The following SLC24A2 variants were observed in gnomAD, a reference collection of about 807,000 sequenced individuals.
The protein encoded by SLC24A2 is solute carrier family 24 member 2.
Under a neutral mutation model 62.0 loss-of-function variants are expected in SLC24A2, and 36 were observed. That is an observed-to-expected ratio of 0.58 (90% CI 0.44 to 0.77). The LOEUF is 0.77. Ranked by LOEUF, SLC24A2 falls within the 30% of genes least tolerant of loss-of-function variation. SLC24A2 has a pLI of 0.00. For synonymous variants in SLC24A2, 358 were observed against 294.0 expected (o/e 1.22, Z -2.23); for missense variants, 846 against 817.9 (o/e 1.03, Z -0.42).
chr9:19,649,130 A>C (rs1818729244), intron 2 of SLC24A2, among the ~76,000 whole-genome samples: 1 of 152,140 alleles, frequency 6.6e-6, no homozygotes, highest in Non-Finnish European at 1.5e-5. Flanking sequence ...CTAAAAACAA[A>C]TCAGTGTCAG....
chr9:19,654,369 A>C (rs1818884102), intron 2 of SLC24A2, among the ~76,000 whole-genome samples: 1 of 152,152 alleles, frequency 6.6e-6, no homozygotes, highest in Non-Finnish European at 1.5e-5. Context: ...CAGGAAGCTA[A>C]GGGTTCCTAA....
At chr9:19,873,139 T>C in the SLC24A2 span, among the ~76,000 whole-genome samples, 1 of 152,152 alleles carries the variant, frequency 6.6e-6, no homozygotes, top group African/African-American at 2.4e-5. Flanking sequence ...AAATCAGGTT[T>C]AAATTTCTGC....
chr9:19,605,802 C>A (rs1380377493), intron 4 of SLC24A2, among the ~76,000 whole-genome samples: 1 of 152,222 alleles, frequency 6.6e-6, no homozygotes, highest in Admixed American at 6.5e-5. Context: ...CAGCCCACGA[C>A]AGATACCATT....
the SLC24A2 span, among the ~76,000 whole-genome samples, chr9:20,246,038 A>G: frequency 6.6e-6 from 1 of 152,230 alleles, no homozygotes; most frequent in Admixed American, 6.5e-5. Flanking sequence ...GTTCACAGAG[A>G]AGGAAACATG....
At chr9:19,992,937 C>A in the SLC24A2 span, among the ~76,000 whole-genome samples, 1 of 152,144 alleles carries the variant, frequency 6.6e-6, no homozygotes, top group Non-Finnish European at 1.5e-5. Context: ...AAAGTCCTAC[C>A]AAAACATCTA....
chr9:20,248,404 A>T, the SLC24A2 span, among the ~76,000 whole-genome samples: 1 of 152,212 alleles, frequency 6.6e-6, no homozygotes, highest in Non-Finnish European at 1.5e-5. Context: ...AATTTCTCAC[A>T]GTTCTGGAGG....
intron 2 of SLC24A2, among the ~76,000 whole-genome samples, chr9:19,745,331 G>A (rs2118785033): frequency 6.6e-6 from 1 of 152,222 alleles, no homozygotes; most frequent in East Asian, 1.9e-4. Context: ...ATTCCTTCAT[G>A]CAATGCAAAT....
chr9:20,008,219 C>T, the SLC24A2 span, among the ~76,000 whole-genome samples: 1 of 151,908 alleles, frequency 6.6e-6, no homozygotes, highest in South Asian at 2.1e-4. Flanking sequence ...TTAAGCCTGA[C>T]TCTGGGCTAT....
At chr9:20,187,037 ATT>A in the SLC24A2 span, among the ~76,000 whole-genome samples, 1 of 152,122 alleles carries the variant, frequency 6.6e-6, no homozygotes, top group African/African-American at 2.4e-5. Flanking sequence ...TAGAAAAGGC[ATT>A]TTGAGGGAAA....
chr9:19,545,830 G>T (rs1055974951), intron 8 of SLC24A2, among the ~76,000 whole-genome samples: 2 of 152,010 alleles, frequency 1.3e-5, no homozygotes, highest in Non-Finnish European at 2.9e-5. Flanking sequence ...ACTAGAGACG[G>T]GTTTCACTGT....
At chr9:20,040,776 G>A in the SLC24A2 span, among the ~76,000 whole-genome samples, 1 of 151,972 alleles carries the variant, frequency 6.6e-6, no homozygotes, top group South Asian at 2.1e-4. Flanking sequence ...CCCAGGGAAG[G>A]GAAAGGACAG....
the SLC24A2 span, among the ~76,000 whole-genome samples, chr9:20,177,580 T>C: frequency 2.0e-5 from 3 of 152,114 alleles, no homozygotes; most frequent in Non-Finnish European, 1.5e-5. Flanking sequence ...TTGGAACATA[T>C]AGAGTCAGAT....
the SLC24A2 span, among the ~76,000 whole-genome samples, chr9:20,057,792 T>C: frequency 6.6e-5 from 10 of 152,314 alleles, no homozygotes; most frequent in East Asian, 1.9e-3. Flanking sequence ...TAAAACTGTG[T>C]GAGGTAGATA....
intron 2 of SLC24A2, among the ~76,000 whole-genome samples, chr9:19,683,181 A>G (rs1819772768): frequency 6.6e-6 from 1 of 152,066 alleles, no homozygotes; most frequent in Admixed American, 6.6e-5. Flanking sequence ...TGTATGCTAG[A>G]CGCTGTAAGT....
the SLC24A2 span, among the ~76,000 whole-genome samples, chr9:19,843,485 C>T: frequency 6.6e-6 from 1 of 152,182 alleles, no homozygotes; most frequent in African/African-American, 2.4e-5. Flanking sequence ...GTGCTGCAGC[C>T]TGGGCAACAA....
chr9:19,579,157 GAAGAAA>G (rs1189291991), intron 5 of SLC24A2, among the ~76,000 whole-genome samples: 1 of 152,082 alleles, frequency 6.6e-6, no homozygotes, highest in Non-Finnish European at 1.5e-5. Context: ...GAAACTCTGG[GAAGAAA>G]AAGGGAAAAG....
chr9:20,003,460 T>G, the SLC24A2 span, among the ~76,000 whole-genome samples: 1 of 152,206 alleles, frequency 6.6e-6, no homozygotes, highest in Non-Finnish European at 1.5e-5. Context: ...TTTGGTACAG[T>G]AGTCCTACTT....
chr9:19,713,270 A>G (rs1820766113), intron 2 of SLC24A2, among the ~76,000 whole-genome samples: 1 of 152,122 alleles, frequency 6.6e-6, no homozygotes, highest in Non-Finnish European at 1.5e-5. Flanking sequence ...GTCAAAAGAG[A>G]GACAGGAAGT....
chr9:20,038,053 TTGGATG>T, the SLC24A2 span, among the ~76,000 whole-genome samples: 13 of 152,194 alleles, frequency 8.5e-5, no homozygotes, highest in Admixed American at 3.3e-4. Flanking sequence ...AGTATAAATG[TTGGATG>T]TTTCAGGTTT....
Sources: gnomAD v4.1 joint callset for allele counts (sites outside exome capture counted in the v4.1 genomes callset) on GRCh38, gnomAD v4.1.1 for gene constraint, MANE v1.5 for transcripts, NCBI Gene and HGNC (gene_info 2026-07-23, HGNC 2026-07-21) for gene names.